The following RIN2 variants were observed in gnomAD, a reference collection of about 807,000 sequenced individuals.
RIN2 encodes the protein Ras and Rab interactor 2, also known as RAB5 interacting protein 2.
RIN2 carries 36 observed loss-of-function variants against 78.0 expected under a neutral mutation model. The ratio of observed to expected loss-of-function variants is 0.46; its 90% CI spans 0.35 to 0.61. The LOEUF is 0.61. Ranked by LOEUF, RIN2 falls within the 20% of genes least tolerant of loss-of-function variation. The pLI is 0.00. For missense variants in RIN2, 1,087 were observed against 1,159.7 expected, an observed-to-expected ratio of 0.94 and a Z score of 0.91; for synonymous variants, 466 against 466.8, an observed-to-expected ratio of 1.00 and a Z score of 0.02.
chr20:19,936,486 G>A (rs1268755249), intron 4 of RIN2, among the ~76,000 whole-genome samples: 3 of 152,302 alleles, frequency 2.0e-5, no homozygotes, highest in African/African-American at 7.2e-5. Context: ...AGAAAAGAGA[G>A]CTTTGGTAGC....
rs372424724 is a variant in RIN2, at chr20:19,937,911, A to C, written c.158+2712A>C. ...CTACTGTGGTTTGTTGCCTACAATC[A>C]AAATGGAAGGAAGTTCATTCAGAAT... On this transcript the variant is annotated intron_variant, in intron 4 of 12. Transcript: ENST00000255006. Among the ~76,000 whole-genome samples, 33 of 152,366 alleles carry C rather than the reference A, an allele frequency of 2.2e-4. 1 individual carries two copies. In the East Asian group the frequency reaches 2.7e-3, roughly 12 times the overall value.
chr20:19,950,114 A>C (rs1462246023), intron 4 of RIN2, among the ~76,000 whole-genome samples: 2 of 152,142 alleles, frequency 1.3e-5, no homozygotes, highest in Non-Finnish European at 2.9e-5. Flanking sequence ...GCCCTTCCAA[A>C]GTGGATGGAA....
At chr20:19,921,544 T>C (rs384978) in intron 3 of RIN2, among the ~76,000 whole-genome samples, 95,241 of 152,004 alleles carry the variant, frequency 0.63, 30,199 homozygotes, top group East Asian at 0.92. Flanking sequence ...CTGAGGAGAC[T>C]GCAGTGAACC....
chr20:19,761,239 G>A (rs147575888), intron 1 of RIN2, among the ~76,000 whole-genome samples: 22 of 151,978 alleles, frequency 1.4e-4, no homozygotes, highest in East Asian at 3.9e-4. Flanking sequence ...TCATTCTGCC[G>A]CAGCACAGTG....
chr20:19,907,849 A>G (rs551382148), intron 3 of RIN2, among the ~76,000 whole-genome samples: 2 of 152,362 alleles, frequency 1.3e-5, no homozygotes, highest in African/African-American at 4.8e-5. Flanking sequence ...CACCATTACC[A>G]GCTGCATGAC....
intron 2 of RIN2, among the ~76,000 whole-genome samples, chr20:19,856,320 G>A (rs28722182): frequency 0.27 from 40,371 of 151,882 alleles, 6,649 homozygotes; most frequent in African/African-American, 0.48. Flanking sequence ...AATAAATTCA[G>A]CCTGGTCAAC....
At chr20:19,927,629 G>A (rs1046343954) in intron 3 of RIN2, among the ~76,000 whole-genome samples, 1 of 152,120 alleles carries the variant, frequency 6.6e-6, no homozygotes, top group African/African-American at 2.4e-5. Flanking sequence ...TGCCCAGGCT[G>A]GTCTGAAACT....
intron 3 of RIN2, among the ~76,000 whole-genome samples, chr20:19,901,845 C>T (rs1368120877): frequency 2.0e-5 from 3 of 151,892 alleles, no homozygotes; most frequent in South Asian, 2.1e-4. Context: ...GGTGAAACCC[C>T]GTCTCTACTA....
intron 3 of RIN2, among the ~76,000 whole-genome samples, chr20:19,918,114 T>A (rs1169436106): frequency 6.6e-6 from 1 of 152,144 alleles, no homozygotes; most frequent in African/African-American, 2.4e-5. Flanking sequence ...TGAATGTGAC[T>A]GTGACACCCA....
chr20:19,971,997 A>G (rs2042123776), intron 8 of RIN2, among the ~76,000 whole-genome samples: 1 of 152,078 alleles, frequency 6.6e-6, no homozygotes, highest in African/African-American at 2.4e-5. Context: ...CCGCTTTGGT[A>G]TCCCAAAGTG....
chr20:19,835,836 G>A (rs1158917277), intron 2 of RIN2, among the ~76,000 whole-genome samples: 1 of 152,104 alleles, frequency 6.6e-6, no homozygotes, highest in African/African-American at 2.4e-5. Flanking sequence ...TTGTTTAATT[G>A]CAGAAAAGCT....
Position 19,931,075 on chromosome 20 carries a change from A to C in RIN2, c.58-4024A>C, listed in dbSNP as rs116732299. On this transcript the variant is annotated intron_variant, in intron 3 of 12. Coordinates refer to ENST00000255006, the MANE Select transcript of RIN2 (RefSeq NM_018993.4). ...ACCAGCCTGCACAACATGGTGAGAA[A>C]GTGTCTCTACAAAATAAATACATAA... 5.3e-3 allele frequency among the ~76,000 whole-genome samples: 804 copies of C among 152,194 alleles called. 3 individuals are homozygous for C. Among genetic ancestry groups the C allele is most frequent in the African/African-American group, 0.018 (747 of 41,536 alleles).
At chr20:19,934,475 A>G in intron 3 of RIN2, 1 of 985,186 alleles carries the variant, frequency 1.0e-6, no homozygotes. Context: ...TTTCCCCTAG[A>G]TGGCCCTGGG....
At chr20:19,964,623 A>G (rs2041878572) in intron 6 of RIN2, among the ~76,000 whole-genome samples, 1 of 152,116 alleles carries the variant, frequency 6.6e-6, no homozygotes, top group African/African-American at 2.4e-5. Flanking sequence ...CTGTGCTGAT[A>G]CAATCCAGAC....
intron 4 of RIN2, among the ~76,000 whole-genome samples, chr20:19,938,253 CTG>C (rs1234878253): frequency 6.6e-6 from 1 of 152,210 alleles, no homozygotes; most frequent in East Asian, 1.9e-4. Flanking sequence ...GAGTCTCACT[CTG>C]TTACCCAGGC....
intron 2 of RIN2, among the ~76,000 whole-genome samples, chr20:19,834,994 AAG>A (rs143114579): frequency 0.017 from 2,316 of 132,812 alleles, 63 homozygotes; most frequent in African/African-American, 0.058. Flanking sequence ...GAAAGAGAGA[AAG>A]AGAGAGAGAG....
At chr20:19,967,739 G>A (rs2041983221) in intron 7 of RIN2, among the ~76,000 whole-genome samples, 2 of 152,202 alleles carry the variant, frequency 1.3e-5, no homozygotes, top group South Asian at 4.1e-4. Flanking sequence ...CAGTGGGTCT[G>A]GGGTGGTACC....
intron 9 of RIN2, among the ~76,000 whole-genome samples, chr20:19,983,540 A>AC (rs976425600): frequency 8.1e-6 from 1 of 123,044 alleles, no homozygotes; most frequent in African/African-American, 4.3e-5. Context: ...TGACTTCCCT[A>AC]CAAAAAAAAG....
chr20:19,856,017 T>C (rs1367461917), intron 2 of RIN2, among the ~76,000 whole-genome samples: 1 of 152,086 alleles, frequency 6.6e-6, no homozygotes, highest in African/African-American at 2.4e-5. Context: ...GAGGTTGCAG[T>C]GAGCAGAGAT....
Sources: gnomAD v4.1 joint callset for allele counts (sites outside exome capture counted in the v4.1 genomes callset) on GRCh38, gnomAD v4.1.1 for gene constraint, MANE v1.5 for transcripts, NCBI Gene and HGNC (gene_info 2026-07-23, HGNC 2026-07-21) for gene names.